CPNE4: variants seen among roughly 807,000 people sequenced by gnomAD.
The protein encoded by CPNE4 is copine-4.
In CPNE4, 25 loss-of-function variants were observed where a neutral mutation model predicts 67.9. The observed-to-expected ratio is 0.37, with a 90% CI of 0.27 to 0.51. The LOEUF (loss-of-function observed/expected upper bound fraction) is 0.51. CPNE4 is among the 20% of genes least tolerant of loss of function. The probability of loss-of-function intolerance (pLI) is 0.93; values close to 1 mark genes in which losing one functional copy is unlikely to be tolerated. For missense variants in CPNE4, 464 were observed against 690.8 expected, an observed-to-expected ratio of 0.67 and a Z score of 3.68; for synonymous variants, 242 against 244.9, an observed-to-expected ratio of 0.99 and a Z score of 0.11.
intron 2 of CPNE4, among the ~76,000 whole-genome samples, chr3:131,880,132 A>T (rs9865781): frequency 0.63 from 93,143 of 147,120 alleles, 29,675 homozygotes; most frequent in Admixed American, 0.72. Context: ...ATATATACAT[A>T]TTTTTTTTTT....
At chr3:131,786,545 T>G (rs890775728) in intron 2 of CPNE4, among the ~76,000 whole-genome samples, 1 of 152,286 alleles carries the variant, frequency 6.6e-6, no homozygotes, top group Non-Finnish European at 1.5e-5. Context: ...TAAACACTTA[T>G]ATGTCTATTT....
chr3:131,730,196 T>C (rs1430070475), intron 2 of CPNE4, among the ~76,000 whole-genome samples: 2 of 152,222 alleles, frequency 1.3e-5, no homozygotes. Flanking sequence ...GATGATATAT[T>C]GTTTAATTGG....
intron 3 of CPNE4, among the ~76,000 whole-genome samples, chr3:131,701,556 C>A (rs1192348389): frequency 6.6e-6 from 1 of 152,174 alleles, no homozygotes; most frequent in Non-Finnish European, 1.5e-5. Flanking sequence ...CTCTCAGAGC[C>A]TTTGCTCTGG....
At chr3:131,591,871 T>C (rs1938550307) in intron 7 of CPNE4, among the ~76,000 whole-genome samples, 2 of 152,158 alleles carry the variant, frequency 1.3e-5, no homozygotes, top group Non-Finnish European at 2.9e-5. Context: ...GCAGAAAAAC[T>C]GAGACAGAGG....
intron 1 of CPNE4, among the ~76,000 whole-genome samples, chr3:132,025,861 A>G (rs1036657635): frequency 3.3e-5 from 5 of 152,226 alleles, no homozygotes; most frequent in African/African-American, 1.2e-4. Context: ...ACCTACCTAC[A>G]TACAACACAC....
At chr3:131,825,591 C>A (rs1410896985) in intron 2 of CPNE4, among the ~76,000 whole-genome samples, 1 of 151,170 alleles carries the variant, frequency 6.6e-6, no homozygotes, top group Non-Finnish European at 1.5e-5. Flanking sequence ...CACATGAAGA[C>A]AGTTGGGTAA....
chr3:131,715,663 G>T (rs2081666323), intron 3 of CPNE4, among the ~76,000 whole-genome samples: 1 of 152,168 alleles, frequency 6.6e-6, no homozygotes, highest in South Asian at 2.1e-4. Context: ...AAAAGTGCCT[G>T]GAGTTTAAAA....
chr3:131,799,959 T>G (rs115437345), intron 2 of CPNE4, among the ~76,000 whole-genome samples: 5,480 of 150,484 alleles, frequency 0.036, 348 homozygotes, highest in African/African-American at 0.12. Context: ...GTGTGTGTAT[T>G]TCATACATCT....
intron 10 of CPNE4, among the ~76,000 whole-genome samples, chr3:131,574,249 A>G (rs1336745960): frequency 6.6e-6 from 1 of 152,146 alleles, no homozygotes; most frequent in East Asian, 1.9e-4. Context: ...TCTCTTGTTT[A>G]CGTCCACATT....
chr3:131,858,860 G>A (rs2086560337), intron 2 of CPNE4, among the ~76,000 whole-genome samples: 1 of 152,122 alleles, frequency 6.6e-6, no homozygotes, highest in Non-Finnish European at 1.5e-5. Flanking sequence ...ACAAAGGGAT[G>A]CAAACACTTT....
intron 2 of CPNE4, among the ~76,000 whole-genome samples, chr3:131,784,275 A>C (rs1264193791): frequency 6.6e-6 from 1 of 151,926 alleles, no homozygotes; most frequent in Non-Finnish European, 1.5e-5. Context: ...GACTATTATA[A>C]AATTTTCCTC....
chr3:131,717,880 T>TTA (rs1560172758), intron 3 of CPNE4, among the ~76,000 whole-genome samples: 1 of 42,046 alleles, frequency 2.4e-5, no homozygotes, highest in Non-Finnish European at 6.2e-5. Flanking sequence ...TTTCTTTTCT[T>TTA]TCTTTCTTTC....
intron 2 of CPNE4, among the ~76,000 whole-genome samples, chr3:131,728,502 T>C (rs2082050675): frequency 6.6e-6 from 1 of 152,164 alleles, no homozygotes; most frequent in South Asian, 2.1e-4. Context: ...AAACATAAAA[T>C]GTGGAACTGA....
chr3:131,980,347 T>C (rs1403446212), intron 1 of CPNE4, among the ~76,000 whole-genome samples: 1 of 152,196 alleles, frequency 6.6e-6, no homozygotes, highest in African/African-American at 2.4e-5. Flanking sequence ...TTAGGTTTGA[T>C]TGTTTAACAT....
intron 1 of CPNE4, among the ~76,000 whole-genome samples, chr3:132,006,097 ATTG>A (rs1465961040): frequency 1.3e-5 from 2 of 152,086 alleles, no homozygotes; most frequent in Non-Finnish European, 2.9e-5. Flanking sequence ...ATCTCAACGT[ATTG>A]TTGTTGTTTT....
intron 7 of CPNE4, among the ~76,000 whole-genome samples, chr3:131,652,507 C>T (rs1369740468): frequency 6.6e-6 from 1 of 152,084 alleles, no homozygotes. Context: ...AGAAAGTTCT[C>T]AGCAAATATA....
At chr3:131,787,717 C>A (rs745480577) in intron 2 of CPNE4, among the ~76,000 whole-genome samples, 4 of 152,100 alleles carry the variant, frequency 2.6e-5, no homozygotes, top group African/African-American at 9.7e-5. Flanking sequence ...AAGATGTCTG[C>A]CTTCTCTCTT....
intron 1 of CPNE4, among the ~76,000 whole-genome samples, chr3:131,968,049 C>A (rs551527858): frequency 6.6e-6 from 1 of 152,198 alleles, no homozygotes; most frequent in South Asian, 2.1e-4. Flanking sequence ...TCAGAAATAA[C>A]ACCACACATC....
chr3:131,847,440 G>C (rs921650475), intron 2 of CPNE4, among the ~76,000 whole-genome samples: 3 of 152,118 alleles, frequency 2.0e-5, no homozygotes, highest in Admixed American at 2.0e-4. Flanking sequence ...ATATGATTAA[G>C]CATAAATGAA....
Sources: allele counts gnomAD v4.1 joint callset (sites outside exome capture counted in the v4.1 genomes callset), GRCh38; gene constraint gnomAD v4.1.1; transcripts MANE v1.5; gene names NCBI Gene and HGNC (gene_info 2026-07-23, HGNC 2026-07-21).